SLC25A26: variants seen among roughly 807,000 people sequenced by gnomAD.
SLC25A26 encodes the protein solute carrier family 25 member 26, also known as mitochondrial S-adenosylmethionine carrier protein.
A neutral mutation model predicts 37.8 loss-of-function variants in SLC25A26; 36 were observed. That is an observed-to-expected ratio of 0.95 (90% CI 0.73 to 1.26). The LOEUF (loss-of-function observed/expected upper bound fraction) is 1.26, where lower values mean the gene tolerates loss of function less well. SLC25A26 is among the 50% of genes most tolerant of loss of function. The probability of loss-of-function intolerance (pLI) is 0.00; values close to 1 mark genes in which losing one functional copy is unlikely to be tolerated. For synonymous variants in SLC25A26, 129 were observed against 122.5 expected (o/e 1.05, Z -0.35); for missense variants, 390 against 331.1 (o/e 1.18, Z -1.38).
At chr3:66,361,118 AAAGC>A (rs1271803355) in intron 6 of SLC25A26, among the ~76,000 whole-genome samples, 1 of 152,230 alleles carries the variant, frequency 6.6e-6, no homozygotes, top group Non-Finnish European at 1.5e-5. Context: ...ATTTTTGACA[AAAGC>A]AAGAGGGCAG....
intron 1 of SLC25A26, among the ~76,000 whole-genome samples, chr3:66,230,824 A>AC (rs1203845168): frequency 6.7e-6 from 1 of 150,110 alleles, no homozygotes; most frequent in Non-Finnish European, 1.5e-5. Flanking sequence ...AAAAAACAAA[A>AC]AAAAACCAGA....
intron 1 of SLC25A26, among the ~76,000 whole-genome samples, chr3:66,184,837 C>G (rs1352020282): frequency 6.6e-6 from 1 of 152,144 alleles, no homozygotes; most frequent in Non-Finnish European, 1.5e-5. Context: ...GGTCGTGACC[C>G]TGACCAACAA....
chr3:66,342,063 G>C (rs918584287), intron 5 of SLC25A26, among the ~76,000 whole-genome samples: 1 of 152,016 alleles, frequency 6.6e-6, no homozygotes. Context: ...TGGGACAGTA[G>C]AATGGAAAAC....
chr3:66,277,710 A>C lies in SLC25A26; in HGVS notation c.453+14331A>C, dbSNP rs1338837988. 2.0e-5 allele frequency among the ~76,000 whole-genome samples: 3 copies of C among 152,276 alleles called. No homozygotes were observed. The East Asian group carries it at 5.8e-4, about 29-fold the overall frequency. On this transcript the variant is annotated intron_variant, in intron 5 of 9. Coordinates refer to ENST00000354883, the MANE Select transcript of SLC25A26 (RefSeq NM_001379210.1). Reference sequence around the variant, plus strand: ...ACAAAGGGGAAAATAGTAATTTTACAGTTGGAAAGACTGGCAGTCACTATT... The same window carrying C: ...ACAAAGGGGAAAATAGTAATTTTACCGTTGGAAAGACTGGCAGTCACTATT...
intron 1 of SLC25A26, among the ~76,000 whole-genome samples, chr3:66,146,383 G>T (rs1449010719): frequency 1.3e-5 from 2 of 150,858 alleles, no homozygotes; most frequent in Non-Finnish European, 1.5e-5. Flanking sequence ...TTCCACTTTT[G>T]CTATATAAAA....
At chr3:66,170,827 G>A (rs1427186899) in intron 1 of SLC25A26, among the ~76,000 whole-genome samples, 32 of 110,236 alleles carry the variant, frequency 2.9e-4, no homozygotes, top group African/African-American at 1.1e-3. Context: ...TTTTTGAGAC[G>A]GAGTCTCGCT....
chr3:66,141,095 G>A (rs1178947727), intron 1 of SLC25A26, among the ~76,000 whole-genome samples: 1 of 151,694 alleles, frequency 6.6e-6, no homozygotes, highest in African/African-American at 2.4e-5. Context: ...GTGTAAAACA[G>A]TGAAATCCAA....
At chr3:66,367,681 T>C (rs777968935) in intron 7 of SLC25A26, among the ~76,000 whole-genome samples, 15 of 136,640 alleles carry the variant, frequency 1.1e-4, no homozygotes, top group East Asian at 3.9e-4. Flanking sequence ...GATAGATAGA[T>C]AGACAGACAG....
chr3:66,335,184 A>G (rs1258592156), intron 5 of SLC25A26, among the ~76,000 whole-genome samples: 1 of 152,212 alleles, frequency 6.6e-6, no homozygotes, highest in Non-Finnish European at 1.5e-5. Flanking sequence ...GCTCCAAATT[A>G]TGGTTGTGAA....
At chr3:66,337,971 C>T (rs560632923) in intron 5 of SLC25A26, among the ~76,000 whole-genome samples, 4 of 152,032 alleles carry the variant, frequency 2.6e-5, no homozygotes, top group East Asian at 1.9e-4. Context: ...AATGTATAGT[C>T]GTGTAATCCC....
intron 5 of SLC25A26, among the ~76,000 whole-genome samples, chr3:66,275,206 A>G (rs1028624532): frequency 7.3e-6 from 1 of 137,252 alleles, no homozygotes; most frequent in Non-Finnish European, 1.5e-5. Flanking sequence ...AACAATGAGA[A>G]CACATGGACA....
intron 5 of SLC25A26, among the ~76,000 whole-genome samples, chr3:66,323,100 G>T (rs1340800139): frequency 6.6e-6 from 1 of 150,992 alleles, no homozygotes; most frequent in East Asian, 1.9e-4. Context: ...AATAGGCATT[G>T]TGGAGATGCC....
intron 1 of SLC25A26, among the ~76,000 whole-genome samples, chr3:66,142,657 T>C (rs955955489): frequency 2.6e-5 from 4 of 152,210 alleles, no homozygotes; most frequent in Non-Finnish European, 5.9e-5. Flanking sequence ...TATCCATTTG[T>C]CATCAAACCT....
chr3:66,335,929 G>A (rs1467889616), intron 5 of SLC25A26, among the ~76,000 whole-genome samples: 1 of 152,142 alleles, frequency 6.6e-6, no homozygotes, highest in African/African-American at 2.4e-5. Context: ...AGGAAGGAGA[G>A]TAGATGAGTA....
chr3:66,224,050 G>C (rs1385709503), intron 1 of SLC25A26, among the ~76,000 whole-genome samples: 1 of 152,172 alleles, frequency 6.6e-6, no homozygotes, highest in Non-Finnish European at 1.5e-5. Context: ...CTTGTGAAGA[G>C]AATGTACTAT....
chr3:66,323,557 G>C (rs764575065), intron 5 of SLC25A26, among the ~76,000 whole-genome samples: 28 of 152,206 alleles, frequency 1.8e-4, no homozygotes, highest in Non-Finnish European at 3.1e-4. Context: ...TGTAATCCCA[G>C]CACTTTGAGA....
chr3:66,282,229 T>G (rs2074370141), intron 5 of SLC25A26, among the ~76,000 whole-genome samples: 2 of 151,926 alleles, frequency 1.3e-5, no homozygotes, highest in Admixed American at 6.6e-5. Flanking sequence ...GCCAGGATGG[T>G]CTCGATCTCC....
chr3:66,264,889 C>A (rs1401112465), intron 5 of SLC25A26, among the ~76,000 whole-genome samples: 3 of 152,338 alleles, frequency 2.0e-5, no homozygotes, highest in Admixed American at 1.3e-4. Context: ...CCAGGGGAAG[C>A]CACTTCACCT....
chr3:66,292,397 G>A (rs969543190), intron 5 of SLC25A26, among the ~76,000 whole-genome samples: 1 of 152,044 alleles, frequency 6.6e-6, no homozygotes, highest in Non-Finnish European at 1.5e-5. Flanking sequence ...TAGTGTTGAC[G>A]GTCTTTACAA....
Sources: gnomAD v4.1 joint callset for allele counts (sites outside exome capture counted in the v4.1 genomes callset) on GRCh38, gnomAD v4.1.1 for gene constraint, MANE v1.5 for transcripts, NCBI Gene and HGNC (gene_info 2026-07-23, HGNC 2026-07-21) for gene names.